KIAA1671: variants seen among roughly 807,000 people sequenced by gnomAD.
The protein encoded by KIAA1671 is uncharacterized protein KIAA1671.
A neutral mutation model predicts 131.2 loss-of-function variants in KIAA1671; 52 were observed. The ratio of observed to expected loss-of-function variants is 0.40; its 90% CI spans 0.32 to 0.50. KIAA1671 has a LOEUF of 0.50. Among genes scored for constraint, KIAA1671 ranks in the 20% least tolerant of loss-of-function variants. KIAA1671 has a pLI of 0.73. For synonymous variants in KIAA1671, 1,003 were observed against 961.6 expected (o/e 1.04, Z -0.80); for missense variants, 2,360 against 2,364.2 (o/e 1.00, Z 0.04).
intron 6 of KIAA1671, among the ~76,000 whole-genome samples, chr22:25,156,916 C>T (rs1392827750): frequency 2.0e-5 from 3 of 152,198 alleles, no homozygotes; most frequent in African/African-American, 7.2e-5. Flanking sequence ...CGCCCTGCCT[C>T]CTCAACAGGT....
chr22:25,086,684 G>A (rs1371504015), intron 6 of KIAA1671, among the ~76,000 whole-genome samples: 5 of 152,086 alleles, frequency 3.3e-5, no homozygotes, highest in African/African-American at 1.2e-4. Context: ...CCTGTTGTTC[G>A]GTCTGCACAG....
chr22:25,134,029 C>A (rs568137002), intron 6 of KIAA1671, among the ~76,000 whole-genome samples: 1 of 152,314 alleles, frequency 6.6e-6, no homozygotes, highest in South Asian at 2.1e-4. Flanking sequence ...AGAGCCTCAG[C>A]CCAGACAAAG....
Position 25,049,311 on chromosome 22 carries a change from G to T in KIAA1671, c.4477G>T (p.Val1493Phe). The change falls in exon 6 of 13, where the codon GTT (valine) becomes TTT (phenylalanine). Residue 1493 changes from valine to phenylalanine, a missense_variant. Physicochemically the swap from Val to Phe is conservative, Grantham distance 50 (BLOSUM62 -1). This residue lies in a region of KIAA1671 where 1,161 missense variants were observed against 1,204.7 expected (regional missense o/e 0.96). Transcript: ENST00000358431. ...CCAGCAGGTGTCCCCTGTGGCCTCG[G>T]TTCCCTGGAGAAGCCACAGCTTCTG... is the stretch of plus-strand genomic sequence containing the variant. ...PLQQVSPVASVPWRSHSFCKD... is the reference protein window; with the variant it reads ...PLQQVSPVASFPWRSHSFCKD... The T allele has an allele frequency of 6.4e-7, 1 of 1,551,632 alleles. No homozygotes were observed. The highest frequency in any genetic ancestry group is 1.2e-5 in the South Asian group (1 of 84,060).
chr22:24,991,808 C>T (rs1731944250), intron 1 of KIAA1671, among the ~76,000 whole-genome samples: 1 of 152,082 alleles, frequency 6.6e-6, no homozygotes, highest in South Asian at 2.1e-4. Context: ...CCCATAGTCA[C>T]TGAGTAATTG....
intron 6 of KIAA1671, among the ~76,000 whole-genome samples, chr22:25,126,928 A>C (rs1932210029): frequency 6.6e-6 from 1 of 152,224 alleles, no homozygotes; most frequent in South Asian, 2.1e-4. Context: ...AAAAGTGAGC[A>C]TATGTGTATC....
intron 6 of KIAA1671, chr22:25,070,210 A>T (rs1219976254): frequency 7.6e-6 from 3 of 394,950 alleles, no homozygotes; most frequent in Non-Finnish European, 1.3e-5. Flanking sequence ...CCATTAGTGG[A>T]GCCGACTGGC....
chr22:25,097,430 AAGG>A (rs1029504159), intron 6 of KIAA1671, among the ~76,000 whole-genome samples: 1 of 152,192 alleles, frequency 6.6e-6, no homozygotes, highest in Admixed American at 6.5e-5. Flanking sequence ...GTGAACCAAG[AAGG>A]AGTTTTGCAC....
chr22:25,131,630 C>T (rs1932446099), intron 6 of KIAA1671, among the ~76,000 whole-genome samples: 1 of 152,260 alleles, frequency 6.6e-6, no homozygotes, highest in African/African-American at 2.4e-5. Flanking sequence ...CCCTGGCTGC[C>T]CGCCTGCCTG....
At chr22:24,975,403 C>G (rs142416753) in intron 1 of KIAA1671, among the ~76,000 whole-genome samples, 1 of 151,478 alleles carries the variant, frequency 6.6e-6, no homozygotes, top group Non-Finnish European at 1.5e-5. Flanking sequence ...ACTGCACCTT[C>G]GACCTCCTGG....
chr22:25,126,012 G>A (rs1211383805), intron 6 of KIAA1671, among the ~76,000 whole-genome samples: 1 of 152,218 alleles, frequency 6.6e-6, no homozygotes, highest in Non-Finnish European at 1.5e-5. Context: ...GAGTTGTTAC[G>A]AGAGTGACAG....
At chr22:25,088,653 T>A (rs951879965) in intron 6 of KIAA1671, among the ~76,000 whole-genome samples, 3 of 152,218 alleles carry the variant, frequency 2.0e-5, no homozygotes, top group African/African-American at 4.8e-5. Context: ...TAAATAACTT[T>A]TTTTTAATTG....
intron 6 of KIAA1671, among the ~76,000 whole-genome samples, chr22:25,150,994 G>A (rs1028284875): frequency 3.3e-5 from 5 of 151,928 alleles, no homozygotes; most frequent in African/African-American, 9.7e-5. Flanking sequence ...CTCCACGCCC[G>A]GCTAATTTTT....
rs1479166967 is a variant in KIAA1671 at position 25,190,771 on chromosome 22, C to T, written c.5412C>T (p.Asn1804=). ...AGAAGAGGCAAAGTCTTTATGAGAA[C>T]CAAGTTTGACCAGGTATGAAGGGGC... is the stretch of plus-strand genomic sequence containing the variant. ...KSKKRQSLYE[N]QV Residue 1804 remains asparagine, a synonymous_variant, in exon 12 of 13, where the codon AAC becomes AAT. Transcript: ENST00000358431. 12 of 1,550,688 alleles carry T rather than the reference C, an allele frequency of 7.7e-6. No individual in the cohort carries two copies. Among genetic ancestry groups the T allele is most frequent in the Non-Finnish European group, 1.0e-5 (12 of 1,145,946 alleles).
intron 1 of KIAA1671, among the ~76,000 whole-genome samples, chr22:25,002,036 AGTG>A (rs1422478561): frequency 6.6e-6 from 1 of 152,198 alleles, no homozygotes; most frequent in Non-Finnish European, 1.5e-5. Context: ...TCCAAGTTCT[AGTG>A]GTAATTCTGA....
intron 6 of KIAA1671, among the ~76,000 whole-genome samples, chr22:25,076,470 CCTT>C (rs1489764850): frequency 1.3e-5 from 2 of 152,110 alleles, no homozygotes; most frequent in Non-Finnish European, 2.9e-5. Context: ...CAGCCTGAGT[CCTT>C]CTCATAGCTG....
chr22:24,980,691 C>T (rs1314469962), intron 1 of KIAA1671, among the ~76,000 whole-genome samples: 1 of 152,060 alleles, frequency 6.6e-6, no homozygotes, highest in Admixed American at 6.6e-5. Context: ...ATATTCATAC[C>T]AACAGTGCAC....
chr22:24,984,999 T>C (rs1479077900), intron 1 of KIAA1671, among the ~76,000 whole-genome samples: 1 of 150,612 alleles, frequency 6.6e-6, no homozygotes, highest in Non-Finnish European at 1.5e-5. Flanking sequence ...AGGGTTGTTA[T>C]AGTATCCTAG....
intron 6 of KIAA1671, chr22:25,051,938 T>C (rs1335028667): frequency 6.6e-6 from 1 of 152,302 alleles, no homozygotes; most frequent in Non-Finnish European, 1.5e-5. Context: ...TTCAGCCTCA[T>C]GTTAGTGACC....
At chr22:24,983,890 T>C (rs1033901575) in intron 1 of KIAA1671, among the ~76,000 whole-genome samples, 27 of 151,540 alleles carry the variant, frequency 1.8e-4, no homozygotes, top group Non-Finnish European at 7.4e-5. Flanking sequence ...GCAATTCTCC[T>C]GCCTCAGCCT....
Sources: allele counts gnomAD v4.1 joint callset (sites outside exome capture counted in the v4.1 genomes callset), GRCh38; gene constraint gnomAD v4.1.1; regional missense constraint gnomAD v4.1.1; transcripts MANE v1.5; gene names NCBI Gene and HGNC (gene_info 2026-07-23, HGNC 2026-07-21).